The following FHIT variants were observed in gnomAD, a reference collection of about 807,000 sequenced individuals.
FHIT encodes the protein bis(5'-adenosyl)-triphosphatase.
FHIT carries 19 observed loss-of-function variants against 17.9 expected under a neutral mutation model. That is an observed-to-expected ratio of 1.06 (90% CI 0.74 to 1.56). The LOEUF (loss-of-function observed/expected upper bound fraction) is 1.56. Ranked by LOEUF, FHIT falls within the 40% of genes most tolerant of loss-of-function variation. The probability of loss-of-function intolerance (pLI) is 0.00; values close to 1 mark genes in which losing one functional copy is unlikely to be tolerated. For missense variants in FHIT, 248 were observed against 189.2 expected (o/e 1.31, Z -1.82); for synonymous variants, 81 against 69.7 (o/e 1.16, Z -0.81).
At chr3:60,444,687 G>T (rs1376174786) in intron 5 of FHIT, among the ~76,000 whole-genome samples, 5 of 152,012 alleles carry the variant, frequency 3.3e-5, no homozygotes, top group Admixed American at 6.6e-5. Flanking sequence ...ACACACCGGG[G>T]TCTGTTGTTG....
chr3:61,134,183 C>A lies in FHIT; in HGVS notation c.-164+66434G>T, dbSNP rs183191138. Among the ~76,000 whole-genome samples, 29 of 149,770 alleles carry A rather than the reference C, an allele frequency of 1.9e-4. No individual in the cohort carries two copies. In the East Asian group the frequency reaches 4.1e-3, roughly 21 times the overall value. ...GAAAGAGAAAGTGCTTAGTGGGGCC[C>A]AATATTACCAAGGGTAGGGGGTTGG... On this transcript the variant is annotated intron_variant, in intron 2 of 9. Coordinates refer to ENST00000492590, the MANE Select transcript of FHIT (RefSeq NM_002012.4).
chr3:61,008,544 G>T lies in FHIT; in HGVS notation c.-111+33503C>A, dbSNP rs188717210. ...AGCTCTTTGAAGCCTCCCTGATAGAGGTGGTTGTGTTTGTGCAACAGTTAT... is the reference window on the plus strand; with the variant it reads ...AGCTCTTTGAAGCCTCCCTGATAGATGTGGTTGTGTTTGTGCAACAGTTAT... On this transcript the variant is annotated intron_variant, in intron 3 of 9. Transcript: ENST00000492590. 4.5e-4 allele frequency among the ~76,000 whole-genome samples: 67 copies of T among 150,548 alleles called. 1 individual carries two copies. The highest frequency in any genetic ancestry group is 1.5e-3 in the African/African-American group (62 of 41,104).
At chr3:60,258,181 C>T (rs977983549) in intron 5 of FHIT, among the ~76,000 whole-genome samples, 4 of 151,772 alleles carry the variant, frequency 2.6e-5, no homozygotes, top group African/African-American at 9.7e-5. Flanking sequence ...CCAAATATTA[C>T]AATAAAATTT....
At chr3:60,837,896 C>T (rs900684544) in intron 3 of FHIT, among the ~76,000 whole-genome samples, 3 of 152,090 alleles carry the variant, frequency 2.0e-5, no homozygotes, top group Non-Finnish European at 4.4e-5. Context: ...CACTTTGCAT[C>T]CCTTTATCTT....
At chr3:60,444,844 TA>T (rs200142955) in intron 5 of FHIT, among the ~76,000 whole-genome samples, 91 of 150,716 alleles carry the variant, frequency 6.0e-4, no homozygotes, top group African/African-American at 1.8e-3. Context: ...TAAAGTATAA[TA>T]AAAAAAAATT....
At chr3:60,094,040 T>C (rs1252104120) in intron 5 of FHIT, among the ~76,000 whole-genome samples, 1 of 152,082 alleles carries the variant, frequency 6.6e-6, no homozygotes, top group Non-Finnish European at 1.5e-5. Flanking sequence ...TGACTATATG[T>C]GCTCTCAGAG....
intron 3 of FHIT, among the ~76,000 whole-genome samples, chr3:60,869,737 C>T (rs1016772871): frequency 1.6e-4 from 25 of 152,094 alleles, no homozygotes; most frequent in African/African-American, 6.0e-4. Flanking sequence ...TCCACAGCCA[C>T]CCCAGAAGTG....
At chr3:60,371,473 T>C (rs1700327072) in intron 5 of FHIT, among the ~76,000 whole-genome samples, 4 of 152,132 alleles carry the variant, frequency 2.6e-5, no homozygotes, top group Admixed American at 2.6e-4. Flanking sequence ...TCCTCCTGCC[T>C]CTGCCTCCCA....
chr3:61,142,074 G>A (rs1366175778), intron 2 of FHIT, among the ~76,000 whole-genome samples: 4 of 151,400 alleles, frequency 2.6e-5, no homozygotes, highest in Admixed American at 6.6e-5. Context: ...GCTTTTTACA[G>A]AAATGGCTCA....
At chr3:60,923,779 C>T (rs1488775422) in intron 3 of FHIT, among the ~76,000 whole-genome samples, 1 of 152,160 alleles carries the variant, frequency 6.6e-6, no homozygotes, top group African/African-American at 2.4e-5. Flanking sequence ...ACCCGAGAAG[C>T]ACAAGGGGTC....
intron 7 of FHIT, among the ~76,000 whole-genome samples, chr3:59,963,152 A>G (rs1707762764): frequency 6.6e-6 from 1 of 152,120 alleles, no homozygotes; most frequent in South Asian, 2.1e-4. Context: ...TGTAGTCCCC[A>G]GCTACTTGGG....
rs758147928 is a variant in FHIT, at chr3:60,072,848, CT to C, written c.104-58697del. ...TATTCATTATTTTGTCTATGTATGC[CT>C]TCTTTTCCCAGCTACAGCATTCACT... is the stretch of plus-strand genomic sequence containing the variant. On this transcript the variant is annotated intron_variant, in intron 5 of 9. Transcript: ENST00000492590. Among the ~76,000 whole-genome samples the C allele has an allele frequency of 9.9e-5, 15 of 152,242 alleles. No individual in the cohort carries two copies. In the South Asian group the frequency reaches 2.5e-3, roughly 25 times the overall value.
At chr3:60,199,500 G>T (rs1454689640) in intron 5 of FHIT, among the ~76,000 whole-genome samples, 2 of 152,014 alleles carry the variant, frequency 1.3e-5, no homozygotes, top group African/African-American at 4.8e-5. Context: ...GTCCTCAAAG[G>T]GGAATGTTCC....
In FHIT at chr3:59,760,273, C is replaced by T. The variant is rs1367962561; in HGVS notation, c.349-7952G>A. Among the ~76,000 whole-genome samples, 8 of 152,016 alleles carry T rather than the reference C, an allele frequency of 5.3e-5. No individual in the cohort carries two copies. The South Asian group carries it at 1.0e-3, about 20-fold the overall frequency. On this transcript the variant is annotated intron_variant, in intron 8 of 9. Transcript: ENST00000492590. The stretch of plus-strand genomic sequence containing the variant: ...TGTTGGATGTTTAAGAATTTGTAAC[C>T]CCCAAAAGTAAGTATTAACTAGAAA...
At position 60,890,221 on chromosome 3, in the gene FHIT, T is replaced by TAAAAAAAAAAAAAAAAAAAA. The variant is rs59950717; in HGVS notation, c.-110-68230_-110-68211dup. Among the ~76,000 whole-genome samples the TAAAAAAAAAAAAAAAAAAAA allele has an allele frequency of 9.5e-5, 11 of 115,636 alleles. 2 individuals are homozygous for TAAAAAAAAAAAAAAAAAAAA. The highest frequency in any genetic ancestry group is 2.9e-4 in the South Asian group (1 of 3,502). 75.9% of individuals were successfully genotyped at this position (115,636 alleles called of 152,430 possible). On this transcript the variant is annotated intron_variant, in intron 3 of 9. Transcript: ENST00000492590. ...TTCCAAAAAATTAGCTTCCATGATG[T>TAAAAAAAAAAAAAAAAAAAA]AAAAAAAAAAAAAAAAAAAAAAAAA...
chr3:59,915,380 C>T (rs1481199194), intron 8 of FHIT, among the ~76,000 whole-genome samples: 3 of 152,108 alleles, frequency 2.0e-5, no homozygotes, highest in African/African-American at 7.2e-5. Flanking sequence ...TGCGATTGAA[C>T]GTATTCAAAC....
chr3:60,655,418 G>C (rs745504521), intron 4 of FHIT, among the ~76,000 whole-genome samples: 45 of 152,188 alleles, frequency 3.0e-4, no homozygotes, highest in Non-Finnish European at 6.0e-4. Flanking sequence ...ATGAAATGCT[G>C]TCTTCTAAGC....
At chr3:60,000,994 C>T (rs931683152) in intron 7 of FHIT, among the ~76,000 whole-genome samples, 9 of 152,136 alleles carry the variant, frequency 5.9e-5, no homozygotes, top group East Asian at 3.9e-4. Context: ...GCTGGCTAGG[C>T]GCCTGTCGTT....
In FHIT at chr3:61,061,950, A is replaced by G. The variant is rs563574894; in HGVS notation, c.-163-19851T>C. 2.0e-5 allele frequency among the ~76,000 whole-genome samples: 3 copies of G among 152,282 alleles called. No homozygotes were observed. The East Asian group carries it at 5.8e-4, about 29-fold the overall frequency. The stretch of plus-strand genomic sequence containing the variant: ...CAGACATATATTTTTCTAAGTTTCT[A>G]TAATACATACTGTTCTGTCACATGT... On this transcript the variant is annotated intron_variant, in intron 2 of 9. Transcript: ENST00000492590.
Sources: gnomAD v4.1 joint callset for allele counts (sites outside exome capture counted in the v4.1 genomes callset) on GRCh38, gnomAD v4.1.1 for gene constraint, MANE v1.5 for transcripts, NCBI Gene and HGNC (gene_info 2026-07-23, HGNC 2026-07-21) for gene names.